The following MED13L variants were observed in gnomAD, a reference collection of about 807,000 sequenced individuals.
MED13L encodes the protein mediator of RNA polymerase II transcription subunit 13-like.
MED13L carries 7 observed loss-of-function variants against 220.9 expected under a neutral mutation model. The ratio of observed to expected loss-of-function variants is 0.03; its 90% CI spans 0.02 to 0.06. The LOEUF is 0.06. Ranked by LOEUF, MED13L falls within the 10% of genes least tolerant of loss-of-function variation. MED13L has a pLI of 1.00. For synonymous variants in MED13L, 1,011 were observed against 1,015.2 expected (o/e 1.00, Z 0.08); for missense variants, 1,965 against 2,760.5 (o/e 0.71, Z 6.46).
At chr12:116,203,156 G>C (rs982177943) in intron 2 of MED13L, among the ~76,000 whole-genome samples, 1 of 152,128 alleles carries the variant, frequency 6.6e-6, no homozygotes. Context: ...GTGCCTCAGA[G>C]ACCTCAAGAC....
chr12:116,080,828 G>C (rs536765593), intron 4 of MED13L, among the ~76,000 whole-genome samples: 2 of 152,288 alleles, frequency 1.3e-5, no homozygotes, highest in African/African-American at 4.8e-5. Context: ...TTTCACTGCA[G>C]TATGTGCATT....
chr12:116,272,552 CA>C (rs201010380), intron 1 of MED13L, among the ~76,000 whole-genome samples: 2 of 116,742 alleles, frequency 1.7e-5, no homozygotes, highest in Non-Finnish European at 1.8e-5. Context: ...ACTCTGGTCT[CA>C]AAAAAAAACC....
rs1026636959 is a variant in MED13L at position 115,982,273 on chromosome 12, G to T, written c.5175+111C>A. The T allele has an allele frequency of 7.9e-6, 9 of 1,139,380 alleles. No individual in the cohort carries two copies. The Admixed American group carries it at 1.6e-4, about 21-fold the overall frequency. The allele number at this position is 1,139,380 out of a possible 1,614,324, so 70.6% of individuals were successfully genotyped here. A position where few individuals can be genotyped will look rare whatever the true frequency, so the allele number is the denominator to read the frequency against. On this transcript the variant is annotated intron_variant, in intron 22 of 30. Coordinates refer to ENST00000281928, the MANE Select transcript of MED13L (RefSeq NM_015335.5). ...CTGGTTCCTAGTATTTTGGTTAGGGGATAATTAACCTGTACTTCCATTTTT... is the reference window on the plus strand; with the variant it reads ...CTGGTTCCTAGTATTTTGGTTAGGGTATAATTAACCTGTACTTCCATTTTT...
chr12:116,119,834 A>ATTT (rs1437759532), intron 2 of MED13L, among the ~76,000 whole-genome samples: 2 of 94,980 alleles, frequency 2.1e-5, no homozygotes, highest in African/African-American at 9.6e-5. Context: ...AAAAAAAAAA[A>ATTT]AAAAATATAT....
At chr12:116,076,739 T>A (rs569854735) in intron 4 of MED13L, among the ~76,000 whole-genome samples, 1 of 152,324 alleles carries the variant, frequency 6.6e-6, no homozygotes, top group East Asian at 1.9e-4. Flanking sequence ...GCTATTTTTT[T>A]AATCTTTAAG....
chr12:116,157,511 T>C (rs2138120351), intron 2 of MED13L, among the ~76,000 whole-genome samples: 2 of 152,346 alleles, frequency 1.3e-5, no homozygotes. Flanking sequence ...TATACAAGTC[T>C]ATCAGTAGTA....
intron 4 of MED13L, among the ~76,000 whole-genome samples, chr12:116,066,243 G>A (rs1389534028): frequency 6.6e-6 from 1 of 152,178 alleles, no homozygotes; most frequent in East Asian, 1.9e-4. Context: ...AGTTTTCATT[G>A]AGAGGAACAT....
intron 2 of MED13L, among the ~76,000 whole-genome samples, chr12:116,223,296 T>G (rs1296891809): frequency 6.6e-6 from 1 of 152,206 alleles, no homozygotes; most frequent in Non-Finnish European, 1.5e-5. Flanking sequence ...AATATGATTT[T>G]GGTCAAATGC....
chr12:115,975,675 T>C lies in MED13L; in HGVS notation c.5428A>G (p.Thr1810Ala), dbSNP rs1002363562. ...TCACCAAACGTCTCTCCCAGCTCTGTCTGCTTGTCTTTGATTGGGGCCAAT... is the reference window on the plus strand; with the variant it reads ...TCACCAAACGTCTCTCCCAGCTCTGCCTGCTTGTCTTTGATTGGGGCCAAT... ...FILAPIKDKQTELGETFGEAS... is the reference protein window; with the variant it reads ...FILAPIKDKQAELGETFGEAS... Residue 1810 changes from threonine (T) to alanine (A), a missense_variant, in exon 24 of 31, where the codon ACA becomes GCA. Physicochemically the swap from Thr to Ala is moderately conservative, Grantham distance 58. Coordinates refer to ENST00000281928, the MANE Select transcript of MED13L (RefSeq NM_015335.5). 11 of 1,614,014 alleles carry C rather than the reference T, an allele frequency of 6.8e-6. No homozygotes were observed. The highest frequency in any genetic ancestry group is 9.3e-6 in the Non-Finnish European group (11 of 1,180,000).
At chr12:116,159,220 T>C (rs1878674236) in intron 2 of MED13L, among the ~76,000 whole-genome samples, 1 of 152,314 alleles carries the variant, frequency 6.6e-6, no homozygotes, top group South Asian at 2.1e-4. Context: ...CACTGAATAC[T>C]ACAGGATCAA....
rs888707700 is a variant in MED13L, at chr12:116,230,645, A to T, written c.310+6823T>A. 7 of 231,278 alleles carry T rather than the reference A, an allele frequency of 3.0e-5. No homozygotes were observed. In the South Asian group the frequency reaches 7.8e-4, roughly 26 times the overall value. 14.3% of individuals were successfully genotyped at this position (231,278 alleles called of 1,614,324 possible). ...CCACTAAAAAAAAAGATAGAAAAAC[A>T]GAGTGAAAATGAGTCAAAGATCAGA... On this transcript the variant is annotated intron_variant, in intron 2 of 30. Coordinates refer to ENST00000281928, the MANE Select transcript of MED13L (RefSeq NM_015335.5).
At chr12:116,043,747 T>TA (rs1156979359) in intron 4 of MED13L, among the ~76,000 whole-genome samples, 2 of 152,198 alleles carry the variant, frequency 1.3e-5, no homozygotes, top group Non-Finnish European at 2.9e-5. Context: ...TCCATACCCC[T>TA]ACGCACTGGC....
At chr12:116,240,383 GC>G (rs2138472210) in intron 1 of MED13L, among the ~76,000 whole-genome samples, 1 of 151,486 alleles carries the variant, frequency 6.6e-6, no homozygotes. Flanking sequence ...ACAGGTATGA[GC>G]CACTGCGCCT....
intron 4 of MED13L, among the ~76,000 whole-genome samples, chr12:116,056,673 T>A (rs1868999813): frequency 3.3e-5 from 5 of 152,172 alleles, no homozygotes; most frequent in Admixed American, 3.3e-4. Context: ...TTCTCTTAAT[T>A]CTCCAAGAAG....
intron 23 of MED13L, among the ~76,000 whole-genome samples, chr12:115,977,431 A>G (rs543322583): frequency 6.4e-4 from 97 of 152,364 alleles, no homozygotes; most frequent in African/African-American, 2.3e-3. Context: ...CACTCTCCAC[A>G]TGACCAGAAA....
chr12:115,963,419 G>C lies in MED13L; in HGVS notation c.6488C>G (p.Ser2163Trp). The change falls in exon 30 of 31, where the codon TCG becomes TGG. Residue 2163 changes from serine (S) to tryptophan (W), a missense_variant. Around this residue, in one of 10 missense-constraint regions of MED13L, gnomAD observed 145 missense variants for 328.3 expected, o/e 0.44. Transcript: ENST00000281928. ...VPHPLDSKTT[S>W]DVLRFVLEQY... ...GGTTGGTATCTACCTTAAAACATCC[G>C]ACGTGGTTTTGGAGTCAAGAGGGTG... is the stretch of plus-strand genomic sequence containing the variant. The C allele has an allele frequency of 1.2e-6, 2 of 1,611,580 alleles. No homozygotes were observed. Among genetic ancestry groups the C allele is most frequent in the Non-Finnish European group, 8.5e-7 (1 of 1,177,684 alleles).
intron 4 of MED13L, among the ~76,000 whole-genome samples, chr12:116,035,419 A>G (rs953105850): frequency 2.4e-4 from 36 of 152,162 alleles, no homozygotes; most frequent in African/African-American, 8.2e-4. Context: ...TACAATTTCT[A>G]TAAAGAATGG....
chr12:115,973,799 AG>A (rs1333786019), intron 25 of MED13L, among the ~76,000 whole-genome samples: 1 of 152,216 alleles, frequency 6.6e-6, no homozygotes, highest in Non-Finnish European at 1.5e-5. Context: ...AAAAATGAAA[AG>A]GGTCTATTAG....
chr12:116,033,984 C>G (rs182801966), intron 4 of MED13L, among the ~76,000 whole-genome samples: 2 of 152,084 alleles, frequency 1.3e-5, no homozygotes, highest in Non-Finnish European at 2.9e-5. Flanking sequence ...CAAGACTGAA[C>G]GCTCTCTGTG....
Sources: gnomAD v4.1 joint callset for allele counts (sites outside exome capture counted in the v4.1 genomes callset) on GRCh38, gnomAD v4.1.1 for gene constraint, gnomAD v4.1.1 regional missense constraint, MANE v1.5 for transcripts, NCBI Gene and HGNC (gene_info 2026-07-23, HGNC 2026-07-21) for gene names.